ABCC12: variants seen among roughly 807,000 people sequenced by gnomAD.
ABCC12 encodes the protein ATP binding cassette subfamily C member 12.
In ABCC12, 142 loss-of-function variants were observed where a neutral mutation model predicts 151.1. The observed-to-expected ratio is 0.94, with a 90% CI of 0.82 to 1.08. The LOEUF (loss-of-function observed/expected upper bound fraction) is 1.08. Ranked by LOEUF, ABCC12 falls within the 50% of genes least tolerant of loss-of-function variation. The pLI is 0.00. For synonymous variants in ABCC12, 645 were observed against 646.4 expected, an observed-to-expected ratio of 1.00 and a Z score of 0.03; for missense variants, 1,638 against 1,691.1, an observed-to-expected ratio of 0.97 and a Z score of 0.55.
At chr16:48,154,452 G>A (rs948702662) in intron 1 of ABCC12, among the ~76,000 whole-genome samples, 2 of 151,908 alleles carry the variant, frequency 1.3e-5, no homozygotes, top group Admixed American at 6.6e-5. Context: ...ATCCACTTAC[G>A]TTGAGCACGG....
At chr16:48,143,286 C>G (rs1300888055) in intron 4 of ABCC12, among the ~76,000 whole-genome samples, 1 of 152,158 alleles carries the variant, frequency 6.6e-6, no homozygotes, top group Non-Finnish European at 1.5e-5. Flanking sequence ...CCAGAAGGGT[C>G]CTGAGCCTCA....
chr16:48,107,890 T>C (rs1963550908), intron 19 of ABCC12, among the ~76,000 whole-genome samples: 1 of 151,412 alleles, frequency 6.6e-6, no homozygotes, highest in Non-Finnish European at 1.5e-5. Context: ...TAATCCCAGC[T>C]ACTTGGGAGG....
Position 48,108,459 on chromosome 16 carries a change from C to G in ABCC12, c.2352G>C (p.Thr784=), listed in dbSNP as rs146016887. ...EGTVTWKTYH[T]YIKASGGYLL... ...CTGAACCTCCAGAAGCCTTAATGTA[C>G]GTGTGATATGTTTTCCAGGTCACGG... Residue 784 remains threonine (T), a synonymous_variant, in exon 19 of 31, where the codon ACG becomes ACC. Coordinates refer to ENST00000311303, the MANE Select transcript of ABCC12 (RefSeq NM_001393797.1). The G allele has an allele frequency of 6.2e-7, 1 of 1,614,036 alleles. No individual in the cohort carries two copies. The highest frequency in any genetic ancestry group is 1.7e-5 in the Admixed American group (1 of 60,010).
chr16:48,121,099 A>T (rs1044712209), intron 13 of ABCC12: 1 of 152,110 alleles, frequency 6.6e-6, no homozygotes, highest in Admixed American at 6.5e-5. Flanking sequence ...GTCAACATCT[A>T]TCCTTTCCCC....
At chr16:48,154,047 G>A (rs1965151427) in intron 1 of ABCC12, among the ~76,000 whole-genome samples, 163 bp from the exon 2 acceptor site, 1 of 152,198 alleles carries the variant, frequency 6.6e-6, no homozygotes, top group Non-Finnish European at 1.5e-5. Context: ...GTACACAGCT[G>A]ATGAGAGCTG....
intron 29 of ABCC12, 58 bp downstream of exon 29, chr16:48,085,535 G>T: frequency 6.8e-7 from 1 of 1,460,528 alleles, no homozygotes; most frequent in South Asian, 1.1e-5. Flanking sequence ...CTCCTGGATT[G>T]AGTGGCGCTG....
In ABCC12 at chr16:48,115,604, G is replaced by A; in HGVS notation, c.1800C>T (p.Gly600=). 1 of 1,613,658 alleles carries A rather than the reference G, an allele frequency of 6.2e-7. No individual in the cohort carries two copies. The change falls in exon 15 of 31, where the codon GGC becomes GGT. Residue 600 remains glycine (G), a synonymous_variant. Transcript: ENST00000311303. ...GCCTCTGCCCCCCAGAGAGGTTGAG[G>A]CCCCGCTCCCCAATCTGTGGACAGG... The part of the protein sequence containing the change: ...YGDLTEIGER[G]LNLSGGQRQR...
chr16:48,114,894 G>C (rs748478631), intron 15 of ABCC12, among the ~76,000 whole-genome samples: 3 of 152,208 alleles, frequency 2.0e-5, no homozygotes, highest in Admixed American at 6.5e-5. Flanking sequence ...GCCCTGAGCA[G>C]AGAGAGCTTC....
intron 2 of ABCC12, among the ~76,000 whole-genome samples, chr16:48,152,386 G>C (rs1416944596): frequency 6.6e-6 from 1 of 152,170 alleles, no homozygotes; most frequent in East Asian, 1.9e-4. Flanking sequence ...CTTTGGGCAC[G>C]GTCTTTCTAC....
rs891472196 is a variant in ABCC12 at position 48,138,113 on chromosome 16, C to T, written c.979+115G>A. The T allele has an allele frequency of 1.3e-5, 15 of 1,197,514 alleles. No individual in the cohort carries two copies. In the African/African-American group the frequency reaches 2.0e-4, roughly 16 times the overall value. 74.2% of individuals were successfully genotyped at this position (1,197,514 alleles called of 1,614,324 possible). On this transcript the variant is annotated intron_variant, in intron 8 of 30. Transcript: ENST00000311303. ...AAATTCTTTGACCTGCAGAGCAGCT[C>T]AGAGGGTCCCCTCAGCCTCCTTCTG...
intron 15 of ABCC12, among the ~76,000 whole-genome samples, chr16:48,114,960 G>T (rs937890042): frequency 6.6e-6 from 1 of 152,166 alleles, no homozygotes; most frequent in African/African-American, 2.4e-5. Flanking sequence ...TTCCCCTGGG[G>T]TGTGATACCT....
intron 11 of ABCC12, among the ~76,000 whole-genome samples, chr16:48,124,853 A>C (rs996436188): frequency 6.6e-6 from 1 of 152,270 alleles, no homozygotes; most frequent in African/African-American, 2.4e-5. Context: ...AGCAATGAAC[A>C]CAACAGGCAA....
chr16:48,111,190 C>T (rs960917579), intron 18 of ABCC12, among the ~76,000 whole-genome samples: 2 of 152,204 alleles, frequency 1.3e-5, no homozygotes, highest in Non-Finnish European at 2.9e-5. Flanking sequence ...ACTACTTCCT[C>T]ATTTTATAGA....
chr16:48,116,113 C>T (rs987144783), intron 14 of ABCC12, among the ~76,000 whole-genome samples: 2 of 152,218 alleles, frequency 1.3e-5, no homozygotes, highest in East Asian at 3.8e-4. Context: ...GCCTTGACTT[C>T]CTGGTTCATC....
chr16:48,128,413 T>A, intron 11 of ABCC12, 46 bp downstream of exon 11: 1 of 1,600,932 alleles, frequency 6.2e-7, no homozygotes, highest in Non-Finnish European at 8.5e-7. Context: ...AGCTATGTAA[T>A]GCAAGGAGGA....
In ABCC12 at chr16:48,140,628, A is replaced by G. The variant is rs1964771254; in HGVS notation, c.657+59T>C. 6.6e-6 allele frequency: 10 copies of G among 1,506,432 alleles called. No homozygotes were observed. In the South Asian group the frequency reaches 9.5e-5, roughly 14 times the overall value. The allele number at this position is 1,506,432 out of a possible 1,614,324, so 93.3% of individuals were successfully genotyped here. A position where few individuals can be genotyped will look rare whatever the true frequency, so the allele number is the denominator to read the frequency against. ...GCTCCACTCAGGATCCACATCTCAC[A>G]TGCACTCAAACCACTCAGGGCCCAT... On this transcript the variant is annotated intron_variant, in intron 6 of 30. Coordinates refer to ENST00000311303, the MANE Select transcript of ABCC12 (RefSeq NM_001393797.1).
Position 48,140,688 on chromosome 16 carries a change from T to G in ABCC12, c.656A>C (p.Glu219Ala), listed in dbSNP as rs1161431359. ...FKTLTHISVG[E>A]VLNILSSDSY... ...TTAAACTCCTCTGAGCCAGCTTACCTCGCCAACAGAGATGTGGGTCAATGT... is the reference window on the plus strand; with the variant it reads ...TTAAACTCCTCTGAGCCAGCTTACCGCGCCAACAGAGATGTGGGTCAATGT... The change falls in exon 6 of 31, where the codon GAG becomes GCG. Residue 219 changes from glutamate (E) to alanine (A), a missense_variant and splice_region_variant. By Grantham distance (107) the Glu-to-Ala change is moderately radical. Transcript: ENST00000311303. The G allele has an allele frequency of 2.5e-6, 4 of 1,613,550 alleles. No homozygotes were observed. In the Admixed American group the frequency reaches 5.0e-5, roughly 20 times the overall value.
intron 22 of ABCC12, among the ~76,000 whole-genome samples, chr16:48,102,023 C>T (rs1939879516): frequency 6.6e-6 from 1 of 152,112 alleles, no homozygotes; most frequent in Non-Finnish European, 1.5e-5. Context: ...AACCTAAGGC[C>T]AATTCACGCT....
intron 9 of ABCC12, among the ~76,000 whole-genome samples, chr16:48,132,667 A>G (rs1964467794): frequency 6.6e-6 from 1 of 152,146 alleles, no homozygotes; most frequent in Admixed American, 6.5e-5. Context: ...GGCCCCTTGT[A>G]AAGAACTTGA....
Sources: allele counts gnomAD v4.1 joint callset (sites outside exome capture counted in the v4.1 genomes callset), GRCh38; gene constraint gnomAD v4.1.1; transcripts MANE v1.5; gene names NCBI Gene and HGNC (gene_info 2026-07-23, HGNC 2026-07-21).